The following PUM3 variants were observed in gnomAD, a reference collection of about 807,000 sequenced individuals.
PUM3 encodes the protein pumilio RNA binding family member 3, also known as pumilio homolog 3.
A neutral mutation model predicts 84.0 loss-of-function variants in PUM3; 91 were observed. The ratio of observed to expected loss-of-function variants is 1.08; its 90% CI spans 0.91 to 1.29. PUM3 has a LOEUF of 1.29. Ranked by LOEUF, PUM3 falls within the 50% of genes most tolerant of loss-of-function variation. The pLI is 0.00. For synonymous variants in PUM3, 321 were observed against 266.7 expected (o/e 1.20, Z -1.98); for missense variants, 1,067 against 767.5 (o/e 1.39, Z -4.61).
intron 16 of PUM3, among the ~76,000 whole-genome samples, chr9:2,809,539 C>T (rs1385561371): frequency 6.6e-6 from 1 of 152,176 alleles, no homozygotes; most frequent in African/African-American, 2.4e-5. Context: ...TACTGCTATA[C>T]TGATTGCCAC....
Position 2,829,852 on chromosome 9 carries a change from T to G in PUM3, c.774A>C (p.Ala258=), listed in dbSNP as rs772524583. 1.9e-6 allele frequency: 3 copies of G among 1,614,162 alleles called. No homozygotes were observed. Among genetic ancestry groups the G allele is most frequent in the African/African-American group, 2.7e-5 (2 of 75,068 alleles). ...GCTCCAAAATGGCTTTGTCATTGTA[T>G]GCGTACTCCACGATGGCTGATGCTT... ...HAEASAIVEY[A]YNDKAILEQR... The change falls in exon 8 of 18, where the codon GCA becomes GCC. Residue 258 remains alanine, a synonymous_variant. Transcript: ENST00000397885.
At chr9:2,831,220 G>C (rs758433488) in intron 6 of PUM3, 31 bp downstream of exon 6, 1 of 1,400,718 alleles carries the variant, frequency 7.1e-7, no homozygotes, top group Non-Finnish European at 1.0e-6. Flanking sequence ...TATTGCAAAT[G>C]ATAACATAAT....
At chr9:2,806,656 T>C (rs1344538936) in intron 17 of PUM3, among the ~76,000 whole-genome samples, 1 of 152,190 alleles carries the variant, frequency 6.6e-6, no homozygotes, top group Non-Finnish European at 1.5e-5. Flanking sequence ...ACAGAGAATG[T>C]ATGGAAAATT....
intron 16 of PUM3, among the ~76,000 whole-genome samples, chr9:2,809,525 G>T (rs910926966): frequency 6.6e-6 from 1 of 152,150 alleles, no homozygotes; most frequent in South Asian, 2.1e-4. Flanking sequence ...AGAAGTGACA[G>T]CTCTACTGCT....
At position 2,831,017 on chromosome 9, in the gene PUM3, C is replaced by A; in HGVS notation, c.622G>T (p.Glu208Ter). The A allele has an allele frequency of 6.7e-7, 1 of 1,487,314 alleles. No individual in the cohort carries two copies. The highest frequency in any genetic ancestry group is 9.3e-7 in the Non-Finnish European group (1 of 1,071,776). 92.1% of individuals were successfully genotyped at this position (1,487,314 alleles called of 1,614,324 possible). ...CTCGAATATTTGGCTTTACTTAACT[C>A]AACCAAATCATCTGAAAAACAAAAA... ...AFEELRDDLV[E>*]LSKAKYSRNI... is the part of the protein sequence containing the mutation. The change falls in exon 7 of 18, where the codon GAG becomes TAG. Residue 208 changes from glutamate (E) to a stop codon, truncating the protein, a stop_gained. Transcript: ENST00000397885. LOFTEE classifies it high-confidence loss of function.
chr9:2,807,326 A>G (rs1320992183), intron 17 of PUM3, among the ~76,000 whole-genome samples: 1 of 151,726 alleles, frequency 6.6e-6, no homozygotes, highest in African/African-American at 2.4e-5. Context: ...GCCAAGCACA[A>G]TGGCTATGCC....
rs769814207 is a variant in PUM3 at position 2,812,522 on chromosome 9, C to T, written c.1270-160G>A. 1.6e-4 allele frequency among the ~76,000 whole-genome samples: 25 copies of T among 152,184 alleles called. 1 individual carries two copies. Among genetic ancestry groups the T allele is most frequent in the Admixed American group, 1.5e-3 (23 of 15,270 alleles). On this transcript the variant is annotated intron_variant, in intron 13 of 17. Transcript: ENST00000397885. The stretch of plus-strand genomic sequence containing the variant: ...TGTGCTGCCAAAGTGAGCACAATGT[C>T]CTATAAAATTATAAACAACAACAAA...
At position 2,819,915 on chromosome 9, in the gene PUM3, G is replaced by A. The variant is rs1319410646; in HGVS notation, c.1269+103C>T. 7.8e-6 allele frequency: 5 copies of A among 637,016 alleles called. No homozygotes were observed. In the South Asian group the frequency reaches 1.2e-4, roughly 15 times the overall value. The allele number at this position is 637,016 out of a possible 1,614,324, so 39.5% of individuals were successfully genotyped here. A position where few individuals can be genotyped will look rare whatever the true frequency, so the allele number is the denominator to read the frequency against. On this transcript the variant is annotated intron_variant, in intron 13 of 17. Coordinates refer to ENST00000397885, the MANE Select transcript of PUM3 (RefSeq NM_014878.5). The stretch of plus-strand genomic sequence containing the variant: ...AAAGTAAGCAAAAATACTGATAGAA[G>A]GCACAGCTGCAAGTCTTTACACATG...
intron 2 of PUM3, among the ~76,000 whole-genome samples, chr9:2,838,222 G>A (rs192365561): frequency 6.6e-6 from 1 of 152,300 alleles, no homozygotes; most frequent in Non-Finnish European, 1.5e-5. Flanking sequence ...AGTCTTTCAT[G>A]AATAAGGCAT....
At chr9:2,811,641 G>A (rs970952039) in intron 14 of PUM3, 58 bp from the exon 15 acceptor site, 240 of 1,284,944 alleles carry the variant, frequency 1.9e-4, no homozygotes, top group Middle Eastern at 1.7e-3. Flanking sequence ...GAAATGTGGT[G>A]ATATTATCAC....
In PUM3 at chr9:2,804,473, G is replaced by C. The variant is rs1304688857; in HGVS notation, c.1815-10C>G. On this transcript the variant is annotated splice_polypyrimidine_tract_variant and intron_variant, in intron 17 of 17. Transcript: ENST00000397885. ...ACAACTCTGGAGGAGGCTGAAGAGAGGAAAAAAATTAAATTTCATAAGCAT... is the reference window on the plus strand; with the variant it reads ...ACAACTCTGGAGGAGGCTGAAGAGACGAAAAAAATTAAATTTCATAAGCAT... 2 of 1,601,806 alleles carry C rather than the reference G, an allele frequency of 1.2e-6. No homozygotes were observed. Among genetic ancestry groups the C allele is most frequent in the African/African-American group, 2.7e-5 (2 of 73,904 alleles).
chr9:2,817,715 T>G (rs892700040), intron 13 of PUM3, among the ~76,000 whole-genome samples: 8 of 152,216 alleles, frequency 5.3e-5, no homozygotes, highest in Non-Finnish European at 1.2e-4. Context: ...ATATCAGGGA[T>G]GGGTACACAA....
chr9:2,840,761 C>G lies in PUM3; in HGVS notation c.-10-2244G>C, dbSNP rs1393877408. Among the ~76,000 whole-genome samples, 12 of 152,312 alleles carry G rather than the reference C, an allele frequency of 7.9e-5. No homozygotes were observed. The East Asian group carries it at 2.3e-3, about 29-fold the overall frequency. On this transcript the variant is annotated intron_variant, in intron 1 of 17. Transcript: ENST00000397885. ...GTTTTGTTTTGCTTTTAAAGCACAT[C>G]CTTATTTCCTGGCACTGGCTCCAGG...
rs187789584 is a variant in PUM3, at chr9:2,828,049, T to A, written c.956+626A>T. ...TACAATCCATTTTTTAATTTTTTTT[T>A]ATTTTTTTAAAGCAAGGTCTCACTC... On this transcript the variant is annotated intron_variant, in intron 9 of 17. Transcript: ENST00000397885. 3.3e-4 allele frequency among the ~76,000 whole-genome samples: 50 copies of A among 152,276 alleles called. No individual in the cohort carries two copies. In the East Asian group the frequency reaches 6.7e-3, roughly 21 times the overall value.
At position 2,824,726 on chromosome 9, in the gene PUM3, G is replaced by T. The variant is rs1299331840; in HGVS notation, c.1125C>A (p.Gly375=). Residue 375 remains glycine, a synonymous_variant, in exon 11 of 18, where the codon GGC becomes GGA. Coordinates refer to ENST00000397885, the MANE Select transcript of PUM3 (RefSeq NM_014878.5). ...GTGCTGTCACACTTACCTTGGGCGT[G>T]CCATGCCACAGGCAGTGCATGGCCA... ...ARVAMHCLWH[G]TPKDRKVIVK... The T allele has an allele frequency of 3.2e-6, 5 of 1,546,962 alleles. No individual in the cohort carries two copies. Among genetic ancestry groups the T allele is most frequent in the Non-Finnish European group, 4.4e-6 (5 of 1,136,764 alleles).
At chr9:2,810,992 G>A (rs943441052) in intron 15 of PUM3, among the ~76,000 whole-genome samples, 1 of 152,186 alleles carries the variant, frequency 6.6e-6, no homozygotes, top group Non-Finnish European at 1.5e-5. Flanking sequence ...TCTCCTTATA[G>A]AGAAACTTTC....
chr9:2,810,082 AAC>A (rs978909695), intron 16 of PUM3, among the ~76,000 whole-genome samples: 5 of 140,800 alleles, frequency 3.6e-5, no homozygotes, highest in African/African-American at 1.3e-4. Flanking sequence ...CAGGAAGGAA[AAC>A]AGAGAGAGTG....
intron 12 of PUM3, among the ~76,000 whole-genome samples, chr9:2,823,365 G>T (rs1431293068): frequency 6.6e-6 from 1 of 151,896 alleles, no homozygotes; most frequent in African/African-American, 2.4e-5. Flanking sequence ...TTTCTTTTAT[G>T]GTTTTGGTCA....
chr9:2,825,564 C>CTTGGGAGG (rs1815793822), intron 10 of PUM3, among the ~76,000 whole-genome samples: 3 of 151,880 alleles, frequency 2.0e-5, no homozygotes, highest in Non-Finnish European at 4.4e-5. Context: ...CTTACTGCAA[C>CTTGGGAGG]CTCCACCTCC....
Sources: gnomAD v4.1 joint callset for allele counts (sites outside exome capture counted in the v4.1 genomes callset) on GRCh38, gnomAD v4.1.1 for gene constraint, MANE v1.5 for transcripts, NCBI Gene and HGNC (gene_info 2026-07-23, HGNC 2026-07-21) for gene names.